LEPR: variants seen among roughly 807,000 people sequenced by gnomAD.
The protein encoded by LEPR is OB receptor.
LEPR carries 56 observed loss-of-function variants against 114.7 expected under a neutral mutation model. The observed-to-expected ratio is 0.49, with a 90% CI of 0.39 to 0.61. The LOEUF (loss-of-function observed/expected upper bound fraction) is 0.61, where lower values mean the gene tolerates loss of function less well. Among genes scored for constraint, LEPR ranks in the 20% least tolerant of loss-of-function variants. The probability of loss-of-function intolerance (pLI) is 0.00; values close to 1 mark genes in which losing one functional copy is unlikely to be tolerated. For synonymous variants in LEPR, 443 were observed against 461.4 expected (o/e 0.96, Z 0.51); for missense variants, 1,202 against 1,352.9 (o/e 0.89, Z 1.75).
chr1:65,609,205 G>A (rs1057223694), intron 12 of LEPR, among the ~76,000 whole-genome samples: 17 of 151,894 alleles, frequency 1.1e-4, no homozygotes, highest in Non-Finnish European at 5.9e-5. Context: ...GTGTAGTCAC[G>A]GTATACATAT....
At chr1:65,478,325 G>A (rs1469189237) in intron 2 of LEPR, among the ~76,000 whole-genome samples, 2 of 152,122 alleles carry the variant, frequency 1.3e-5, no homozygotes, top group Non-Finnish European at 2.9e-5. Flanking sequence ...ATAAATATGG[G>A]AATCACAATG....
chr1:65,518,921 C>T lies in LEPR; in HGVS notation c.-20-46625C>T, dbSNP rs113173027. On this transcript the variant is annotated intron_variant, in intron 2 of 19. Transcript: ENST00000349533. ...TCTTTCTTTCTTTCTTTCTTTCTCT[C>T]TTTCTCTGTTTCTTTCTTTCTCTTT... Among the ~76,000 whole-genome samples, 16 of 97,202 alleles carry T rather than the reference C, an allele frequency of 1.6e-4. 1 individual carries two copies. The highest frequency in any genetic ancestry group is 6.2e-4 in the African/African-American group (15 of 24,314). 63.8% of individuals were successfully genotyped at this position (97,202 alleles called of 152,430 possible).
chr1:65,457,409 T>C (rs1254809395), intron 2 of LEPR, among the ~76,000 whole-genome samples: 2 of 152,196 alleles, frequency 1.3e-5, no homozygotes, highest in African/African-American at 4.8e-5. Context: ...CTCTTTGCTT[T>C]TCAGTTTTGG....
chr1:65,428,622 G>A (rs564539953), intron 2 of LEPR, among the ~76,000 whole-genome samples: 1 of 152,088 alleles, frequency 6.6e-6, no homozygotes, highest in Non-Finnish European at 1.5e-5. Context: ...CATTAGTGTG[G>A]CTTCATCCCA....
intron 19 of LEPR, chr1:65,630,337 C>G (rs1658455072): frequency 4.5e-6 from 1 of 222,720 alleles, no homozygotes; most frequent in Non-Finnish European, 8.7e-6. Context: ...TGTTTATCTG[C>G]TGACCCTCCC....
chr1:65,629,427 G>A, intron 19 of LEPR: 2 of 401,630 alleles, frequency 5.0e-6, no homozygotes, highest in Non-Finnish European at 4.9e-6. Flanking sequence ...TTATGATTAT[G>A]TAAATATTGT....
intron 10 of LEPR, 41 bp downstream of exon 10, chr1:65,602,001 G>A (rs1485202894): frequency 6.5e-7 from 1 of 1,528,014 alleles, no homozygotes; most frequent in Admixed American, 1.7e-5. Context: ...TGTGGGCACA[G>A]TGAGATAAAA....
At chr1:65,542,528 T>C (rs1651307195) in intron 2 of LEPR, among the ~76,000 whole-genome samples, 1 of 151,896 alleles carries the variant, frequency 6.6e-6, no homozygotes, top group Non-Finnish European at 1.5e-5. Flanking sequence ...GTTTGTTACA[T>C]AGGTATACAC....
At chr1:65,558,434 G>A (rs1652982746) in intron 2 of LEPR, among the ~76,000 whole-genome samples, 2 of 142,692 alleles carry the variant, frequency 1.4e-5, no homozygotes, top group Non-Finnish European at 3.0e-5. Context: ...CTTATCATGT[G>A]GTGCCAATTC....
chr1:65,553,593 G>A (rs1193183389), intron 2 of LEPR, among the ~76,000 whole-genome samples: 1 of 151,994 alleles, frequency 6.6e-6, no homozygotes, highest in South Asian at 2.1e-4. Context: ...CTATATACTG[G>A]TTTTTCTAGT....
At chr1:65,465,930 A>C (rs1647006215) in intron 2 of LEPR, among the ~76,000 whole-genome samples, 1 of 152,076 alleles carries the variant, frequency 6.6e-6, no homozygotes. Flanking sequence ...TTTGCACATG[A>C]GATAGGTCTC....
chr1:65,486,544 C>T (rs113718651), intron 2 of LEPR: 1 of 152,256 alleles, frequency 6.6e-6, no homozygotes, highest in Non-Finnish European at 1.5e-5. Flanking sequence ...CTGAATGCTG[C>T]TCTAGTAGTG....
At chr1:65,435,958 A>T (rs1415527482) in intron 2 of LEPR, 1 of 985,120 alleles carries the variant, frequency 1.0e-6, no homozygotes, top group Non-Finnish European at 1.2e-6. Context: ...CCCAAATGTG[A>T]TGTGAGAGGA....
At position 65,615,642 on chromosome 1, in the gene LEPR, ACT is replaced by A. The variant is rs538537538; in HGVS notation, c.1996-361_1996-360del. 2.2e-3 allele frequency among the ~76,000 whole-genome samples: 338 copies of A among 152,160 alleles called. 1 individual carries two copies. Among genetic ancestry groups the A allele is most frequent in the African/African-American group, 7.6e-3 (316 of 41,520 alleles). Reference sequence around the variant, plus strand: ...CCTTGTTTGCTTTTTAGATGAGGAAACTCTCTACTCCTTATGTCTTTCATTTC... The same window carrying A: ...CCTTGTTTGCTTTTTAGATGAGGAAACTCTACTCCTTATGTCTTTCATTTC... On this transcript the variant is annotated intron_variant, in intron 14 of 19. Transcript: ENST00000349533.
chr1:65,447,367 A>G (rs1646726432), intron 2 of LEPR, among the ~76,000 whole-genome samples: 2 of 151,990 alleles, frequency 1.3e-5, no homozygotes, highest in Admixed American at 6.6e-5. Context: ...GAGTCTTCCT[A>G]TTCATGAACA....
At chr1:65,567,825 C>T (rs1222297407) in intron 3 of LEPR, among the ~76,000 whole-genome samples, 1 of 151,988 alleles carries the variant, frequency 6.6e-6, no homozygotes, top group South Asian at 2.1e-4. Flanking sequence ...AGACTCCCTG[C>T]CCCACACATT....
chr1:65,602,650 A>G (rs936124109), intron 10 of LEPR, among the ~76,000 whole-genome samples: 1 of 152,076 alleles, frequency 6.6e-6, no homozygotes, highest in Non-Finnish European at 1.5e-5. Context: ...GCTGTTAAAC[A>G]CTGTGTCCCA....
intron 5 of LEPR, among the ~76,000 whole-genome samples, chr1:65,574,375 T>A (rs557694735): frequency 1.3e-5 from 2 of 151,778 alleles, no homozygotes; most frequent in African/African-American, 4.8e-5. Flanking sequence ...TGTGCACATG[T>A]ACCCTAAAAC....
At chr1:65,478,757 AGC>A (rs1046342054) in intron 2 of LEPR, among the ~76,000 whole-genome samples, 1 of 152,182 alleles carries the variant, frequency 6.6e-6, no homozygotes, top group African/African-American at 2.4e-5. Flanking sequence ...GAATGAGATC[AGC>A]GCCAGTGAAT....
Sources: allele counts gnomAD v4.1 joint callset (sites outside exome capture counted in the v4.1 genomes callset), GRCh38; gene constraint gnomAD v4.1.1; transcripts MANE v1.5; gene names NCBI Gene and HGNC (gene_info 2026-07-23, HGNC 2026-07-21).